Variants in CACNA2D1 observed in about 807,000 individuals in gnomAD.
CACNA2D1 encodes the protein calcium voltage-gated channel auxiliary subunit alpha2delta 1.
In CACNA2D1, 53 loss-of-function variants were observed where a neutral mutation model predicts 171.5. The observed-to-expected ratio is 0.31, with a 90% CI of 0.25 to 0.39. The LOEUF (loss-of-function observed/expected upper bound fraction) is 0.39, where lower values mean the gene tolerates loss of function less well. Among genes scored for constraint, CACNA2D1 ranks in the 10% least tolerant of loss-of-function variants. CACNA2D1 has a pLI of 1.00. For synonymous variants in CACNA2D1, 442 were observed against 443.1 expected, an observed-to-expected ratio of 1.00 and a Z score of 0.03; for missense variants, 903 against 1,299.8, an observed-to-expected ratio of 0.69 and a Z score of 4.69.
chr7:82,423,269 T>C (rs1828885540), intron 1 of CACNA2D1, among the ~76,000 whole-genome samples: 1 of 152,140 alleles, frequency 6.6e-6, no homozygotes, highest in South Asian at 2.1e-4. Context: ...GCCCCAGGCA[T>C]GCATTAATGT....
chr7:82,281,135 G>A (rs1810042270), intron 3 of CACNA2D1, among the ~76,000 whole-genome samples: 1 of 152,092 alleles, frequency 6.6e-6, no homozygotes, highest in South Asian at 2.1e-4. Flanking sequence ...TAATTTAAAG[G>A]CTCCTCTTGT....
intron 3 of CACNA2D1, among the ~76,000 whole-genome samples, chr7:82,282,440 T>C (rs79348350): frequency 0.023 from 3,551 of 152,244 alleles, 107 homozygotes; most frequent in East Asian, 0.11. Context: ...GAAAAATCTA[T>C]GTGAAAGTTG....
intron 12 of CACNA2D1, among the ~76,000 whole-genome samples, chr7:82,030,728 T>A (rs1802585507): frequency 6.6e-6 from 1 of 151,898 alleles, no homozygotes. Context: ...TGCACTTATA[T>A]ACTTCTATCA....
intron 3 of CACNA2D1, among the ~76,000 whole-genome samples, chr7:82,278,580 A>G (rs899944793): frequency 7.0e-6 from 1 of 143,750 alleles, no homozygotes; most frequent in African/African-American, 2.7e-5. Flanking sequence ...AAAAAAAAAA[A>G]ATTACATATC....
intron 10 of CACNA2D1, among the ~76,000 whole-genome samples, chr7:82,054,411 C>T (rs752578794): frequency 1.3e-5 from 2 of 152,142 alleles, no homozygotes; most frequent in Non-Finnish European, 2.9e-5. Context: ...TTATATACTC[C>T]AGCATATTTT....
chr7:81,991,074 T>C (rs529770845), intron 21 of CACNA2D1, 111 bp downstream of exon 21: 4 of 669,278 alleles, frequency 6.0e-6, no homozygotes, highest in Admixed American at 2.0e-5. Flanking sequence ...TTAGTATGTT[T>C]TCATGTTGGG....
chr7:82,137,611 C>G (rs1791785792), intron 4 of CACNA2D1, among the ~76,000 whole-genome samples: 2 of 151,442 alleles, frequency 1.3e-5, no homozygotes, highest in African/African-American at 4.9e-5. Context: ...GTGGCTCACG[C>G]CTGTAATCCC....
intron 19 of CACNA2D1, 63 bp downstream of exon 19, chr7:81,997,116 G>T: frequency 1.1e-6 from 1 of 892,440 alleles, no homozygotes; most frequent in Non-Finnish European, 1.9e-6. Context: ...ACAGATACTT[G>T]TAGAATGAGT....
chr7:82,246,335 T>A (rs1254265858), intron 3 of CACNA2D1, among the ~76,000 whole-genome samples: 1 of 152,050 alleles, frequency 6.6e-6, no homozygotes, highest in African/African-American at 2.4e-5. Context: ...TTCTTGCTCA[T>A]ATGATAGCAG....
intron 3 of CACNA2D1, among the ~76,000 whole-genome samples, chr7:82,318,075 G>T (rs541763937): frequency 3.9e-5 from 6 of 151,996 alleles, no homozygotes; most frequent in African/African-American, 1.4e-4. Context: ...ATTAAAAGTT[G>T]GTTAAATAAG....
At chr7:82,033,138 G>A (rs1027635719) in intron 11 of CACNA2D1, 12 of 399,668 alleles carry the variant, frequency 3.0e-5, no homozygotes, top group African/African-American at 1.6e-4. Flanking sequence ...TTGATCATAC[G>A]CCACTTTATC....
intron 34 of CACNA2D1, among the ~76,000 whole-genome samples, chr7:81,963,631 A>G (rs1236481682): frequency 6.6e-6 from 1 of 152,010 alleles, no homozygotes; most frequent in Non-Finnish European, 1.5e-5. Flanking sequence ...ATCAATAGTA[A>G]AGAGGTAGAA....
intron 3 of CACNA2D1, among the ~76,000 whole-genome samples, chr7:82,268,050 G>T (rs534754155): frequency 2.0e-5 from 3 of 151,938 alleles, no homozygotes; most frequent in Non-Finnish European, 4.4e-5. Flanking sequence ...CCTATTTAGG[G>T]AACAAAAATA....
chr7:82,072,235 C>T (rs961371103), intron 7 of CACNA2D1, among the ~76,000 whole-genome samples: 47 of 152,038 alleles, frequency 3.1e-4, no homozygotes, highest in Non-Finnish European at 1.0e-4. Flanking sequence ...TTGGAATGTT[C>T]ATAATACAAA....
Position 81,969,993 on chromosome 7 carries a change from G to C in CACNA2D1, c.2205-9C>G. 1 of 1,487,316 alleles carries C rather than the reference G, an allele frequency of 6.7e-7. No individual in the cohort carries two copies. The highest frequency in any genetic ancestry group is 9.4e-7 in the Non-Finnish European group (1 of 1,065,646). The allele number at this position is 1,487,316 out of a possible 1,614,324, so 92.1% of individuals were successfully genotyped here. ...GCCAATTTTCTCCAGCCCTAAGGAG[G>C]AAATGGCTCATCATTTGTATTCTTT... On this transcript the variant is annotated splice_polypyrimidine_tract_variant and intron_variant, in intron 27 of 38. Transcript: ENST00000356860.
chr7:82,216,079 T>A (rs1801070556), intron 3 of CACNA2D1, among the ~76,000 whole-genome samples: 1 of 152,196 alleles, frequency 6.6e-6, no homozygotes, highest in Non-Finnish European at 1.5e-5. Flanking sequence ...TATCACAGAT[T>A]TCTTGGCCAT....
At chr7:82,355,073 A>G (rs1820270412) in intron 1 of CACNA2D1, among the ~76,000 whole-genome samples, 1 of 152,132 alleles carries the variant, frequency 6.6e-6, no homozygotes, top group Non-Finnish European at 1.5e-5. Flanking sequence ...TTTTTGCCTG[A>G]TAACTTATGA....
chr7:82,105,578 T>A (rs258682), intron 6 of CACNA2D1, among the ~76,000 whole-genome samples: 1 of 151,792 alleles, frequency 6.6e-6, no homozygotes, highest in East Asian at 1.9e-4. Flanking sequence ...TATCTCCATA[T>A]AAAATTTGTT....
chr7:82,312,643 A>C (rs1814618775), intron 3 of CACNA2D1, among the ~76,000 whole-genome samples: 1 of 151,240 alleles, frequency 6.6e-6, no homozygotes, highest in Non-Finnish European at 1.5e-5. Flanking sequence ...CAGCCTCTCG[A>C]GTAGCTAAGA....
Sources: allele counts gnomAD v4.1 joint callset (sites outside exome capture counted in the v4.1 genomes callset), GRCh38; gene constraint gnomAD v4.1.1; transcripts MANE v1.5; gene names NCBI Gene and HGNC (gene_info 2026-07-23, HGNC 2026-07-21).